The following CDH18 variants were observed in gnomAD, a reference collection of about 807,000 sequenced individuals.
The protein encoded by CDH18 is cadherin-18.
In CDH18, 31 loss-of-function variants were observed where a neutral mutation model predicts 67.9. The ratio of observed to expected loss-of-function variants is 0.46; its 90% CI spans 0.34 to 0.62. CDH18 has a LOEUF of 0.62. Ranked by LOEUF, CDH18 falls within the 20% of genes least tolerant of loss-of-function variation. The pLI is 0.01. For synonymous variants in CDH18, 362 were observed against 347.2 expected, an observed-to-expected ratio of 1.04 and a Z score of -0.48; for missense variants, 890 against 975.5, an observed-to-expected ratio of 0.91 and a Z score of 1.17.
At chr5:20,291,227 G>T (rs1230605675) in intron 1 of CDH18, among the ~76,000 whole-genome samples, 1 of 152,074 alleles carries the variant, frequency 6.6e-6, no homozygotes, top group Non-Finnish European at 1.5e-5. Flanking sequence ...AAAATTCTGG[G>T]TTAAAAATAT....
intron 1 of CDH18, among the ~76,000 whole-genome samples, chr5:20,371,396 G>T (rs115300768): frequency 6.6e-6 from 1 of 152,146 alleles, no homozygotes; most frequent in East Asian, 1.9e-4. Context: ...TCAGACAATC[G>T]GCAATGCCTT....
chr5:20,046,668 G>T (rs1220453421), intron 2 of CDH18, among the ~76,000 whole-genome samples: 1 of 149,288 alleles, frequency 6.7e-6, no homozygotes. Context: ...GTGAATATGT[G>T]TGTGTGTGTA....
At chr5:19,843,556 A>G (rs375232597) in intron 2 of CDH18, among the ~76,000 whole-genome samples, 118 of 152,340 alleles carry the variant, frequency 7.7e-4, no homozygotes, top group African/African-American at 2.7e-3. Context: ...GCAGAAGGGA[A>G]ATGTGAGGTC....
intron 1 of CDH18, among the ~76,000 whole-genome samples, chr5:20,369,383 C>T (rs1326393871): frequency 6.6e-6 from 1 of 152,162 alleles, no homozygotes; most frequent in Non-Finnish European, 1.5e-5. Flanking sequence ...CAGAAAGACA[C>T]AAGATGTGAT....
At position 20,421,525 on chromosome 5, in the gene CDH18, C is replaced by G. The variant is rs1327606533; in HGVS notation, c.-580+153937G>C. Among the ~76,000 whole-genome samples, 7 of 150,880 alleles carry G rather than the reference C, an allele frequency of 4.6e-5. 1 individual carries two copies. The highest frequency in any genetic ancestry group is 1.7e-4 in the African/African-American group (7 of 40,262). ...GCTGAAATGAATATGAAATACAGAACATTCCTAGATATAAGATAAAGTTCT... is the reference window on the plus strand; with the variant it reads ...GCTGAAATGAATATGAAATACAGAAGATTCCTAGATATAAGATAAAGTTCT... On this transcript the variant is annotated intron_variant, in intron 1 of 14. Coordinates refer to the CDH18 transcript ENST00000507958.
At chr5:20,388,415 C>G (rs1744509915) in intron 1 of CDH18, among the ~76,000 whole-genome samples, 1 of 145,660 alleles carries the variant, frequency 6.9e-6, no homozygotes, top group Non-Finnish European at 1.5e-5. Flanking sequence ...GTGGTGATAT[C>G]CCCTTTATCA....
chr5:20,308,945 C>T (rs994469319), intron 1 of CDH18, among the ~76,000 whole-genome samples: 8 of 152,088 alleles, frequency 5.3e-5, no homozygotes, highest in South Asian at 2.1e-4. Flanking sequence ...TTTTGATTTT[C>T]GTACATTAGA....
At chr5:19,524,357 C>T (rs1747401787) in intron 9 of CDH18, among the ~76,000 whole-genome samples, 1 of 149,784 alleles carries the variant, frequency 6.7e-6, no homozygotes, top group Admixed American at 6.7e-5. Context: ...AATTAAATTA[C>T]TTGCTTTAAA....
chr5:20,539,747 C>A (rs1342153062), intron 1 of CDH18, among the ~76,000 whole-genome samples: 1 of 130,416 alleles, frequency 7.7e-6, no homozygotes. Flanking sequence ...CACACACACA[C>A]ACACACACAA....
At chr5:19,695,778 C>T (rs1012167417) in intron 5 of CDH18, among the ~76,000 whole-genome samples, 3 of 152,116 alleles carry the variant, frequency 2.0e-5, no homozygotes, top group Non-Finnish European at 2.9e-5. Context: ...TTACAGCAAC[C>T]AGAAGTTAAA....
At chr5:20,222,699 C>A (rs1319934192) in intron 2 of CDH18, among the ~76,000 whole-genome samples, 1 of 150,786 alleles carries the variant, frequency 6.6e-6, no homozygotes, top group Non-Finnish European at 1.5e-5. Flanking sequence ...ATAGTGTGTA[C>A]GCCAACTATG....
intron 2 of CDH18, among the ~76,000 whole-genome samples, chr5:19,844,001 C>T (rs1782639053): frequency 6.6e-6 from 1 of 152,148 alleles, no homozygotes. Flanking sequence ...TGACTCTATC[C>T]CCATTGTATC....
At chr5:20,401,987 A>G (rs1342868977) in intron 1 of CDH18, among the ~76,000 whole-genome samples, 1 of 152,098 alleles carries the variant, frequency 6.6e-6, no homozygotes, top group Non-Finnish European at 1.5e-5. Flanking sequence ...GGCTTTGCTT[A>G]CTTTCCCATC....
At chr5:20,405,068 A>G (rs1010794646) in intron 1 of CDH18, among the ~76,000 whole-genome samples, 1 of 152,204 alleles carries the variant, frequency 6.6e-6, no homozygotes, top group Admixed American at 6.5e-5. Context: ...CTTTCTTCAC[A>G]GAATTGGGAA....
In CDH18 at chr5:20,243,676, G is replaced by A. The variant is rs567005623; in HGVS notation, c.-518+11768C>T. 3.6e-4 allele frequency among the ~76,000 whole-genome samples: 54 copies of A among 151,828 alleles called. 1 individual carries two copies. The highest frequency in any genetic ancestry group is 1.2e-3 in the African/African-American group (51 of 41,434). On this transcript the variant is annotated intron_variant, in intron 2 of 14. Coordinates refer to the CDH18 transcript ENST00000507958. Reference sequence around the variant, plus strand: ...CCCAAAAAGCCAATTTTTTTATTATGGTCTTTTGAACTTTTATGATTATAC... The same window carrying A: ...CCCAAAAAGCCAATTTTTTTATTATAGTCTTTTGAACTTTTATGATTATAC...
chr5:20,037,487 C>T (rs1739979568), intron 2 of CDH18, among the ~76,000 whole-genome samples: 1 of 152,042 alleles, frequency 6.6e-6, no homozygotes, highest in South Asian at 2.1e-4. Context: ...TGCAAAAGAA[C>T]AGAAATCATA....
At chr5:20,424,849 T>C (rs1209915138) in intron 1 of CDH18, among the ~76,000 whole-genome samples, 4 of 144,372 alleles carry the variant, frequency 2.8e-5, no homozygotes, top group African/African-American at 1.1e-4. Context: ...GAATTTTCAG[T>C]CAATCAGAAT....
intron 2 of CDH18, among the ~76,000 whole-genome samples, chr5:19,960,379 G>C (rs1353103307): frequency 6.6e-6 from 1 of 151,062 alleles, no homozygotes; most frequent in African/African-American, 2.4e-5. Context: ...TGCAAATCAG[G>C]CCTATGCTAG....
At chr5:20,273,363 G>A (rs1216976067) in intron 1 of CDH18, among the ~76,000 whole-genome samples, 2 of 151,976 alleles carry the variant, frequency 1.3e-5, no homozygotes, top group East Asian at 1.9e-4. Context: ...GATTAAGGTC[G>A]ACTGGAGTAA....
Sources: gnomAD v4.1 joint callset for allele counts (sites outside exome capture counted in the v4.1 genomes callset) on GRCh38, gnomAD v4.1.1 for gene constraint, MANE v1.5 for transcripts, NCBI Gene and HGNC (gene_info 2026-07-23, HGNC 2026-07-21) for gene names.